The following MAML2 variants were observed in gnomAD, a reference collection of about 807,000 sequenced individuals.
MAML2 encodes mastermind like transcriptional coactivator 2, also known as mastermind-like protein 2.
Under a neutral mutation model 96.1 loss-of-function variants are expected in MAML2, and 22 were observed. The ratio of observed to expected loss-of-function variants is 0.23; its 90% confidence interval spans 0.16 to 0.33. MAML2 has a LOEUF of 0.33. Ranked by LOEUF, MAML2 falls within the 10% of genes least tolerant of loss-of-function variation. The probability of loss-of-function intolerance (pLI) is 1.00; values close to 1 mark genes in which losing one functional copy is unlikely to be tolerated. For synonymous variants in MAML2, 561 were observed against 521.3 expected, an observed-to-expected ratio of 1.08 and a Z score of -1.04; for missense variants, 1,367 against 1,392.4, an observed-to-expected ratio of 0.98 and a Z score of 0.29.
intron 1 of MAML2, among the ~76,000 whole-genome samples, chr11:96,123,018 CCAT>C (rs776610029): frequency 6.6e-5 from 10 of 152,220 alleles, no homozygotes; most frequent in Non-Finnish European, 1.3e-4. Context: ...CTATTCAAAA[CCAT>C]TCAATGCTGA....
At chr11:96,018,882 C>A (rs1858395569) in intron 2 of MAML2, among the ~76,000 whole-genome samples, 1 of 152,140 alleles carries the variant, frequency 6.6e-6, no homozygotes, top group Non-Finnish European at 1.5e-5. Flanking sequence ...AGCCACGGCG[C>A]CTGGCTGAGA....
Position 96,341,775 on chromosome 11 carries a change from G to A in MAML2, c.121C>T (p.Arg41Trp). The A allele has an allele frequency of 6.2e-7, 1 of 1,611,530 alleles. No homozygotes were observed. Among genetic ancestry groups the A allele is most frequent in the South Asian group, 1.1e-5 (1 of 90,666 alleles). The change falls in exon 1 of 5, where the codon CGG becomes TGG. Residue 41 changes from arginine to tryptophan, a missense_variant. Physicochemically the swap from Arg to Trp is moderately radical, Grantham distance 101. Coordinates refer to ENST00000524717, the MANE Select transcript of MAML2 (RefSeq NM_032427.4). ...TGGCGGCAGACAGCGATCCGAGCCC[G>A]GAGGCGCTCCACGATAGCACTGTGC... ...RVHSAIVERLRARIAVCRQHH... is the reference protein window; with the variant it reads ...RVHSAIVERLWARIAVCRQHH...
At chr11:96,056,118 A>C (rs1409448347) in intron 2 of MAML2, among the ~76,000 whole-genome samples, 1 of 152,140 alleles carries the variant, frequency 6.6e-6, no homozygotes, top group Non-Finnish European at 1.5e-5. Context: ...GTTTTCATCT[A>C]TGTAATATAA....
intron 2 of MAML2, among the ~76,000 whole-genome samples, chr11:96,048,187 C>T (rs1366501624): frequency 6.6e-6 from 1 of 152,084 alleles, no homozygotes; most frequent in Non-Finnish European, 1.5e-5. Flanking sequence ...AGGTGCACCA[C>T]TTTTAAAAGG....
chr11:96,070,715 T>C (rs970236798), intron 2 of MAML2, among the ~76,000 whole-genome samples: 3 of 152,244 alleles, frequency 2.0e-5, no homozygotes, highest in Non-Finnish European at 4.4e-5. Context: ...TAGTGTGAGC[T>C]GAGCACAGCC....
chr11:96,042,092 T>C (rs1315528072), intron 2 of MAML2, among the ~76,000 whole-genome samples: 1 of 151,766 alleles, frequency 6.6e-6, no homozygotes, highest in Non-Finnish European at 1.5e-5. Flanking sequence ...TTCTCCTGCC[T>C]CAGCCTCCCG....
intron 1 of MAML2, among the ~76,000 whole-genome samples, chr11:96,157,604 T>C (rs1250251935): frequency 6.6e-6 from 1 of 152,252 alleles, no homozygotes; most frequent in Non-Finnish European, 1.5e-5. Context: ...AAGTATCTCT[T>C]ATACAAAATT....
At chr11:96,180,934 T>G (rs1591058742) in intron 1 of MAML2, among the ~76,000 whole-genome samples, 6 of 114,414 alleles carry the variant, frequency 5.2e-5, no homozygotes, top group Admixed American at 9.6e-5. Context: ...CGGGTAGGAG[T>G]GGGGGTCACA....
At chr11:96,275,797 C>G (rs564624743) in intron 1 of MAML2, among the ~76,000 whole-genome samples, 12 of 152,236 alleles carry the variant, frequency 7.9e-5, no homozygotes, top group Middle Eastern at 3.4e-3. Context: ...GACTCTTCAG[C>G]TGGTCTCTAT....
intron 1 of MAML2, among the ~76,000 whole-genome samples, chr11:96,224,535 A>G (rs1042951847): frequency 1.3e-5 from 2 of 152,208 alleles, no homozygotes; most frequent in Non-Finnish European, 2.9e-5. Flanking sequence ...TCATCTTTCA[A>G]TGTTAATTAA....
At chr11:96,012,183 A>G (rs981052137) in intron 2 of MAML2, among the ~76,000 whole-genome samples, 5 of 152,244 alleles carry the variant, frequency 3.3e-5, no homozygotes, top group Admixed American at 3.3e-4. Context: ...AAGCACCACT[A>G]GCAGGCACTG....
intron 1 of MAML2, among the ~76,000 whole-genome samples, chr11:96,253,540 T>C (rs899374373): frequency 1.3e-5 from 2 of 152,228 alleles, no homozygotes; most frequent in African/African-American, 4.8e-5. Flanking sequence ...CTCAAGTGAG[T>C]GCTGCCTCTT....
intron 1 of MAML2, among the ~76,000 whole-genome samples, chr11:96,335,810 A>G (rs989261637): frequency 2.6e-5 from 4 of 152,092 alleles, no homozygotes; most frequent in African/African-American, 9.7e-5. Flanking sequence ...TGTCCCCCTC[A>G]GTACTCACGT....
Position 96,159,404 on chromosome 11 carries a change from A to ATTTTTTTTTTTT in MAML2, c.514-65888_514-65887insAAAAAAAAAAAA, listed in dbSNP as rs1157893034. ...TACTAACCGTGCCTCTAAACCACTG[A>ATTTTTTTTTTTT]TTCTTTTTTTTTTTTTTTTTTTTTT... On this transcript the variant is annotated intron_variant, in intron 1 of 4. Coordinates refer to ENST00000524717, the MANE Select transcript of MAML2 (RefSeq NM_032427.4). Among the ~76,000 whole-genome samples the ATTTTTTTTTTTT allele has an allele frequency of 5.6e-3, 348 of 61,928 alleles. 63 individuals carry two copies. The highest frequency in any genetic ancestry group is 0.013 in the African/African-American group (230 of 18,078). The allele number at this position is 61,928 out of a possible 152,430, so 40.6% of individuals were successfully genotyped here.
intron 2 of MAML2, among the ~76,000 whole-genome samples, chr11:96,020,525 G>A (rs939468941): frequency 2.0e-5 from 3 of 152,160 alleles, no homozygotes; most frequent in Admixed American, 1.3e-4. Context: ...AGCCTTATTC[G>A]GTAGGTGTTA....
intron 2 of MAML2, among the ~76,000 whole-genome samples, chr11:96,081,508 T>C (rs963642233): frequency 2.2e-4 from 31 of 143,016 alleles, no homozygotes; most frequent in South Asian, 4.8e-4. Flanking sequence ...ATGGTTTTCA[T>C]ATATTTAAAA....
chr11:96,129,149 C>T (rs1300330939), intron 1 of MAML2, among the ~76,000 whole-genome samples: 1 of 152,120 alleles, frequency 6.6e-6, no homozygotes, highest in Non-Finnish European at 1.5e-5. Flanking sequence ...CCGTTATGTT[C>T]AACTTAGAGA....
chr11:96,127,060 C>T (rs902112552), intron 1 of MAML2, among the ~76,000 whole-genome samples: 3 of 152,148 alleles, frequency 2.0e-5, no homozygotes, highest in African/African-American at 7.2e-5. Context: ...GGAAACCACA[C>T]CCACTGTTTC....
chr11:95,979,356 T>G lies in MAML2; in HGVS notation c.3063A>C (p.Thr1021=), dbSNP rs1318488086. ...TCATGGGTCTCATTTGCACTGCTGG[T>G]GTTAACTGGTTAGGAGGAGCCACTG... ...QRAVAPPNQL[T]PAVQMRPMNQ... Residue 1021 remains threonine, a synonymous_variant, in exon 5 of 5, where the codon ACA becomes ACC. Coordinates refer to ENST00000524717, the MANE Select transcript of MAML2 (RefSeq NM_032427.4). 6.2e-7 allele frequency: 1 copy of G among 1,613,818 alleles called. No homozygotes were observed. The highest frequency in any genetic ancestry group is 2.2e-5 in the East Asian group (1 of 44,868).
Sources: gnomAD v4.1 joint callset for allele counts (sites outside exome capture counted in the v4.1 genomes callset) on GRCh38, gnomAD v4.1.1 for gene constraint, MANE v1.5 for transcripts, NCBI Gene and HGNC (gene_info 2026-07-23, HGNC 2026-07-21) for gene names.